The following PEX14 variants were observed in gnomAD, a reference collection of about 807,000 sequenced individuals.
PEX14 encodes peroxisomal membrane protein PEX14.
Under a neutral mutation model 49.5 loss-of-function variants are expected in PEX14, and 15 were observed. The observed-to-expected ratio is 0.30, with a 90% CI of 0.20 to 0.47. The LOEUF (loss-of-function observed/expected upper bound fraction) is 0.47. Among genes scored for constraint, PEX14 ranks in the 20% least tolerant of loss-of-function variants. The pLI, the probability that PEX14 is intolerant of heterozygous loss-of-function variation, is 1.00. For synonymous variants in PEX14, 210 were observed against 212.7 expected (o/e 0.99, Z 0.11); for missense variants, 398 against 494.8 (o/e 0.80, Z 1.86).
intron 2 of PEX14, among the ~76,000 whole-genome samples, chr1:10,507,475 G>A (rs1484813871): frequency 1.3e-5 from 2 of 152,182 alleles, no homozygotes; most frequent in Non-Finnish European, 2.9e-5. Context: ...TTTATCACAG[G>A]TGATGTGTGC....
chr1:10,547,556 A>C lies in PEX14; in HGVS notation c.169+11259A>C, dbSNP rs750189798. The stretch of plus-strand genomic sequence containing the variant: ...ACTCTGTATGTACTATGTTTTTCTT[A>C]TGCTTGCATACCTTTGGTAAAGTTT... On this transcript the variant is annotated intron_variant, in intron 3 of 8. Coordinates refer to ENST00000356607, the MANE Select transcript of PEX14 (RefSeq NM_004565.3). 2.0e-5 allele frequency among the ~76,000 whole-genome samples: 3 copies of C among 152,188 alleles called. No individual in the cohort carries two copies. The South Asian group carries it at 6.2e-4, about 31-fold the overall frequency.
chr1:10,576,201 G>A (rs1354989431), intron 3 of PEX14, among the ~76,000 whole-genome samples: 7 of 151,904 alleles, frequency 4.6e-5, no homozygotes, highest in Non-Finnish European at 8.8e-5. Context: ...ATATAAAAGT[G>A]ATTATTTTCA....
intron 3 of PEX14, among the ~76,000 whole-genome samples, chr1:10,566,073 T>A (rs1056454414): frequency 1.7e-4 from 26 of 152,374 alleles, no homozygotes; most frequent in African/African-American, 5.8e-4. Flanking sequence ...GCAGTTCCCT[T>A]CTCACTGAGA....
chr1:10,506,102 G>A (rs1305073029), intron 2 of PEX14, among the ~76,000 whole-genome samples: 4 of 152,070 alleles, frequency 2.6e-5, no homozygotes, highest in Non-Finnish European at 5.9e-5. Flanking sequence ...CCCATGGAAC[G>A]TACTCACCAG....
intron 2 of PEX14, among the ~76,000 whole-genome samples, chr1:10,496,351 C>T (rs544750855): frequency 1.3e-5 from 2 of 152,130 alleles, no homozygotes; most frequent in Admixed American, 6.5e-5. Context: ...ACGGTGGCCT[C>T]GTTTCACTCT....
intron 1 of PEX14, among the ~76,000 whole-genome samples, chr1:10,487,919 T>A (rs1641400820): frequency 6.6e-6 from 1 of 152,028 alleles, no homozygotes; most frequent in Non-Finnish European, 1.5e-5. Context: ...TAGCTGGGAT[T>A]ACAGGCATGT....
chr1:10,598,494 C>G (rs1004813473), intron 3 of PEX14, among the ~76,000 whole-genome samples: 1 of 152,172 alleles, frequency 6.6e-6, no homozygotes, highest in Non-Finnish European at 1.5e-5. Context: ...CATGGCATAG[C>G]CACTGCAGAT....
chr1:10,559,152 ACTGGCCCTTCTAGAACAGC>A (rs1639577851), intron 3 of PEX14, among the ~76,000 whole-genome samples: 1 of 152,034 alleles, frequency 6.6e-6, no homozygotes, highest in Non-Finnish European at 1.5e-5. Flanking sequence ...TATTATTTTG[ACTGGCCCTTCTAGAACAGC>A]TTTAATTAAA....
chr1:10,534,759 A>T (rs536862370), intron 2 of PEX14, among the ~76,000 whole-genome samples: 66 of 152,248 alleles, frequency 4.3e-4, no homozygotes, highest in African/African-American at 1.6e-3. Context: ...CCTGTTGGTG[A>T]CAGGCCCAGA....
At chr1:10,496,278 G>C (rs1336225037) in intron 2 of PEX14, among the ~76,000 whole-genome samples, 1 of 152,196 alleles carries the variant, frequency 6.6e-6, no homozygotes, top group African/African-American at 2.4e-5. Flanking sequence ...CAGGGGAGCA[G>C]TGTTGTCATT....
intron 3 of PEX14, among the ~76,000 whole-genome samples, chr1:10,596,399 G>C (rs1038021703): frequency 6.6e-6 from 1 of 152,200 alleles, no homozygotes; most frequent in African/African-American, 2.4e-5. Context: ...GGAGCCAGGG[G>C]TTAAGTTCCT....
chr1:10,552,553 A>C (rs777294617), intron 3 of PEX14, among the ~76,000 whole-genome samples: 3 of 152,240 alleles, frequency 2.0e-5, no homozygotes, highest in Non-Finnish European at 4.4e-5. Context: ...TAGCACATAG[A>C]GGCAGTATGA....
chr1:10,574,941 T>A (rs1640078665), intron 3 of PEX14, among the ~76,000 whole-genome samples: 1 of 151,870 alleles, frequency 6.6e-6, no homozygotes, highest in South Asian at 2.1e-4. Flanking sequence ...GAGACCCCCA[T>A]CTGAAAAAAA....
chr1:10,521,425 A>G (rs1248645146), intron 2 of PEX14, among the ~76,000 whole-genome samples: 1 of 152,200 alleles, frequency 6.6e-6, no homozygotes, highest in Non-Finnish European at 1.5e-5. Context: ...ATTTGCTTTC[A>G]TGCTTTATTT....
chr1:10,522,604 T>C (rs1369096779), intron 2 of PEX14, among the ~76,000 whole-genome samples: 1 of 152,228 alleles, frequency 6.6e-6, no homozygotes, highest in East Asian at 1.9e-4. Flanking sequence ...TGCTTCTATT[T>C]TGACTTTACA....
rs986003588 is a variant in PEX14, at chr1:10,576,568, A to G, written c.170-22670A>G. On this transcript the variant is annotated intron_variant, in intron 3 of 8. Coordinates refer to ENST00000356607, the MANE Select transcript of PEX14 (RefSeq NM_004565.3). ...AAATTTGTGAAATGGTGTGAAGCGA[A>G]GCTCCTTTCAAACATTAGTTTTTCC... is the stretch of plus-strand genomic sequence containing the variant. 2.6e-5 allele frequency among the ~76,000 whole-genome samples: 4 copies of G among 151,722 alleles called. No homozygotes were observed. The South Asian group carries it at 6.3e-4, about 24-fold the overall frequency.
At position 10,496,836 on chromosome 1, in the gene PEX14, C is replaced by T. The variant is rs1156393659; in HGVS notation, c.84+1515C>T. Among the ~76,000 whole-genome samples, 5 of 151,964 alleles carry T rather than the reference C, an allele frequency of 3.3e-5. No individual in the cohort carries two copies. The East Asian group carries it at 9.7e-4, about 29-fold the overall frequency. ...CAAACCCTAGTAGCCTGTGATCGTC[C>T]AGAGTTCAGACTCATTCTCTCCAGG... On this transcript the variant is annotated intron_variant, in intron 2 of 8. Coordinates refer to ENST00000356607, the MANE Select transcript of PEX14 (RefSeq NM_004565.3).
At chr1:10,594,654 C>T (rs1640782652) in intron 3 of PEX14, among the ~76,000 whole-genome samples, 1 of 152,232 alleles carries the variant, frequency 6.6e-6, no homozygotes, top group South Asian at 2.1e-4. Flanking sequence ...CTTTCTGCTT[C>T]ACCTGCACAG....
chr1:10,594,441 G>A (rs954053401), intron 3 of PEX14, among the ~76,000 whole-genome samples: 2 of 152,216 alleles, frequency 1.3e-5, no homozygotes, highest in Admixed American at 1.3e-4. Context: ...GCCCTTGACT[G>A]CCACCGTTTG....
Sources: allele counts gnomAD v4.1 joint callset (sites outside exome capture counted in the v4.1 genomes callset), GRCh38; gene constraint gnomAD v4.1.1; transcripts MANE v1.5; gene names NCBI Gene and HGNC (gene_info 2026-07-23, HGNC 2026-07-21).